CTNNA2: variants seen among roughly 807,000 people sequenced by gnomAD.
CTNNA2 encodes catenin alpha-2.
CTNNA2 carries 42 observed loss-of-function variants against 101.0 expected under a neutral mutation model. The ratio of observed to expected loss-of-function variants is 0.42; its 90% CI spans 0.32 to 0.54. CTNNA2 has a LOEUF of 0.54. Ranked by LOEUF, CTNNA2 falls within the 20% of genes least tolerant of loss-of-function variation. The pLI is 0.14. For synonymous variants in CTNNA2, 450 were observed against 456.4 expected (o/e 0.99, Z 0.18); for missense variants, 871 against 1,223.1 (o/e 0.71, Z 4.29).
intron 9 of CTNNA2, among the ~76,000 whole-genome samples, chr2:80,420,572 T>G (rs1373577065): frequency 6.6e-6 from 1 of 152,208 alleles, no homozygotes; most frequent in East Asian, 1.9e-4. Flanking sequence ...GTTCTTTTTT[T>G]TTTCATTTGG....
At position 79,668,210 on chromosome 2, in the gene CTNNA2, G is replaced by T. The variant is rs1033219267; in HGVS notation, c.102+16552G>T. 3.1e-5 allele frequency among the ~76,000 whole-genome samples: 4 copies of T among 127,416 alleles called. No homozygotes were observed. In the South Asian group the frequency reaches 1.1e-3, roughly 36 times the overall value. The allele number at this position is 127,416 out of a possible 152,430, so 83.6% of individuals were successfully genotyped here. A position where few individuals can be genotyped will look rare whatever the true frequency, so the allele number is the denominator to read the frequency against. On this transcript the variant is annotated intron_variant, in intron 2 of 18. Coordinates refer to ENST00000402739, the MANE Select transcript of CTNNA2 (RefSeq NM_001282597.3). ...AGCCGAGATTGCGCCACTGCAGTCC[G>T]CAGTCCGACCTGGGCGACAGAGCGA...
At chr2:80,361,349 T>C (rs1352356696) in intron 7 of CTNNA2, among the ~76,000 whole-genome samples, 1 of 152,100 alleles carries the variant, frequency 6.6e-6, no homozygotes, top group Non-Finnish European at 1.5e-5. Context: ...GGCCACACCA[T>C]TATATTAGTT....
At chr2:79,539,518 A>G (rs970125220) in intron 1 of CTNNA2, among the ~76,000 whole-genome samples, 2 of 152,220 alleles carry the variant, frequency 1.3e-5, no homozygotes, top group Non-Finnish European at 2.9e-5. Flanking sequence ...ATACAATGTT[A>G]CTTTCAGATA....
chr2:80,286,615 T>C (rs867573657), intron 7 of CTNNA2, among the ~76,000 whole-genome samples: 1 of 152,192 alleles, frequency 6.6e-6, no homozygotes, highest in South Asian at 2.1e-4. Flanking sequence ...ACATCGTGGA[T>C]TGTGCTCTTA....
chr2:79,192,491 C>T (rs962457891), intron 1 of CTNNA2, among the ~76,000 whole-genome samples: 11 of 152,042 alleles, frequency 7.2e-5, no homozygotes, highest in African/African-American at 2.2e-4. Flanking sequence ...AATATTTTTT[C>T]GCTCACAGTT....
rs1410681516 is a variant in CTNNA2, at chr2:80,495,001, T to G, written c.1291-49981T>G. Among the ~76,000 whole-genome samples, 3 of 152,220 alleles carry G rather than the reference T, an allele frequency of 2.0e-5. No individual in the cohort carries two copies. In the East Asian group the frequency reaches 5.8e-4, roughly 29 times the overall value. On this transcript the variant is annotated intron_variant, in intron 9 of 18. Coordinates refer to ENST00000402739, the MANE Select transcript of CTNNA2 (RefSeq NM_001282597.3). ...TATCAAAGAAATATTGTTCTCAATC[T>G]GCAGCATGAACTGTGGTGGCTCCTG...
intron 3 of CTNNA2, among the ~76,000 whole-genome samples, chr2:79,805,384 G>T (rs569309284): frequency 6.6e-6 from 1 of 152,200 alleles, no homozygotes; most frequent in South Asian, 2.1e-4. Context: ...ATAATTTTGT[G>T]CGTGGAACAA....
chr2:79,400,036 A>T (rs1317482472), intron 4 of CTNNA2, among the ~76,000 whole-genome samples: 1 of 152,014 alleles, frequency 6.6e-6, no homozygotes, highest in Non-Finnish European at 1.5e-5. Context: ...CATTTTAGGG[A>T]GATATGAGAC....
chr2:80,163,520 C>T (rs1368860343), intron 7 of CTNNA2, among the ~76,000 whole-genome samples: 1 of 151,912 alleles, frequency 6.6e-6, no homozygotes, highest in Admixed American at 6.6e-5. Flanking sequence ...TTTTATGACC[C>T]AGGATATGGT....
At chr2:79,504,720 A>G (rs1288864629) in intron 4 of CTNNA2, among the ~76,000 whole-genome samples, 1 of 152,174 alleles carries the variant, frequency 6.6e-6, no homozygotes, top group Non-Finnish European at 1.5e-5. Flanking sequence ...ATCTTTCATT[A>G]TATAAAGAGT....
At chr2:79,283,192 C>T (rs1446693981) in intron 2 of CTNNA2, among the ~76,000 whole-genome samples, 2 of 105,366 alleles carry the variant, frequency 1.9e-5, no homozygotes, top group African/African-American at 5.6e-5. Flanking sequence ...TGAAAATTTT[C>T]TCCCATTTTG....
chr2:80,205,627 C>T (rs113659642), intron 7 of CTNNA2, among the ~76,000 whole-genome samples: 60 of 152,260 alleles, frequency 3.9e-4, no homozygotes, highest in African/African-American at 1.3e-3. Context: ...CTGTGTCATC[C>T]TGAGGTTGAT....
intron 18 of CTNNA2, among the ~76,000 whole-genome samples, chr2:80,623,390 A>T (rs989399643): frequency 3.9e-5 from 6 of 152,088 alleles, no homozygotes; most frequent in African/African-American, 1.4e-4. Context: ...CACATAACTG[A>T]ATAGGAGTTT....
rs138506091 is a variant in CTNNA2 at position 79,441,079 on chromosome 2, G to A, written c.-134-63975G>A. Among the ~76,000 whole-genome samples, 234 of 152,268 alleles carry A rather than the reference G, an allele frequency of 1.5e-3. 1 individual carries two copies. The highest frequency in any genetic ancestry group is 5.3e-3 in the African/African-American group (220 of 41,554). ...AGAAAATTCCATCCAGGAACTGACT[G>A]TTACAAAGGTATTCACACCCCCAGA... On this transcript the variant is annotated intron_variant, in intron 4 of 21. Transcript: ENST00000466387.
intron 7 of CTNNA2, among the ~76,000 whole-genome samples, chr2:80,133,261 C>T (rs1702509261): frequency 6.6e-6 from 1 of 152,130 alleles, no homozygotes; most frequent in African/African-American, 2.4e-5. Context: ...AGGAAGGATT[C>T]TCCCCTAGAG....
chr2:80,262,355 C>T (rs1013628418), intron 7 of CTNNA2, among the ~76,000 whole-genome samples: 1 of 152,146 alleles, frequency 6.6e-6, no homozygotes, highest in Non-Finnish European at 1.5e-5. Flanking sequence ...AACCAGTACC[C>T]TATTGCTAGG....
chr2:80,124,070 C>A (rs950673813), intron 7 of CTNNA2, among the ~76,000 whole-genome samples: 2 of 152,128 alleles, frequency 1.3e-5, no homozygotes, highest in Non-Finnish European at 2.9e-5. Flanking sequence ...AAGCTCCCCT[C>A]TCTTCTGCCT....
chr2:79,444,338 G>C (rs775616344), intron 4 of CTNNA2, among the ~76,000 whole-genome samples: 5 of 152,026 alleles, frequency 3.3e-5, no homozygotes, highest in Non-Finnish European at 7.4e-5. Flanking sequence ...ATATTCTATA[G>C]GAAAATTTCA....
chr2:79,697,925 C>T (rs943864311), intron 2 of CTNNA2: 1 of 151,880 alleles, frequency 6.6e-6, no homozygotes, highest in Non-Finnish European at 1.5e-5. Flanking sequence ...AAGGTATACT[C>T]TAGAAAATTT....
Sources: allele counts gnomAD v4.1 joint callset (sites outside exome capture counted in the v4.1 genomes callset), GRCh38; gene constraint gnomAD v4.1.1; transcripts MANE v1.5; gene names NCBI Gene and HGNC (gene_info 2026-07-23, HGNC 2026-07-21).